MAP4K3: variants seen among roughly 807,000 people sequenced by gnomAD.
MAP4K3 encodes mitogen-activated protein kinase kinase kinase kinase 3.
A neutral mutation model predicts 143.5 loss-of-function variants in MAP4K3; 94 were observed. That is an observed-to-expected ratio of 0.65 (90% CI 0.55 to 0.78). The LOEUF (loss-of-function observed/expected upper bound fraction) is 0.78. Ranked by LOEUF, MAP4K3 falls within the 30% of genes least tolerant of loss-of-function variation. The pLI is 0.00. For synonymous variants in MAP4K3, 416 were observed against 347.2 expected (o/e 1.20, Z -2.20); for missense variants, 1,077 against 1,068.1 (o/e 1.01, Z -0.12).
At chr2:39,366,090 G>A (rs894909050) in intron 2 of MAP4K3, among the ~76,000 whole-genome samples, 1 of 152,146 alleles carries the variant, frequency 6.6e-6, no homozygotes, top group African/African-American at 2.4e-5. Flanking sequence ...TTTATTCTGA[G>A]CCAAATATGA....
chr2:39,251,765 C>T (rs1159018782), intron 33 of MAP4K3, 65 bp downstream of exon 33: 2 of 1,285,672 alleles, frequency 1.6e-6, no homozygotes, highest in African/African-American at 3.0e-5. Context: ...AAAAAGAAAT[C>T]TGTTTCATGC....
rs756462452 is a variant in MAP4K3, at chr2:39,260,583, ATAAT to A, written c.2308+19_2308+22del. 1 of 1,607,642 alleles carries A rather than the reference ATAAT, an allele frequency of 6.2e-7. No homozygotes were observed. Among genetic ancestry groups the A allele is most frequent in the East Asian group, 2.2e-5 (1 of 44,824 alleles). On this transcript the variant is annotated intron_variant, in intron 29 of 33. Coordinates refer to ENST00000263881, the MANE Select transcript of MAP4K3 (RefSeq NM_003618.4). ...AAAACCAGTATATGTATTACCCTTA[ATAAT>A]TCCATAAAAATTACAAACCTGATTC...
In MAP4K3 at chr2:39,344,039, T is replaced by TC. The variant is rs1373207446; in HGVS notation, c.246-588dup. 3.3e-5 allele frequency among the ~76,000 whole-genome samples: 5 copies of TC among 152,282 alleles called. No homozygotes were observed. The East Asian group carries it at 5.8e-4, about 18-fold the overall frequency. ...TTGTTCAGTCATTCATTATTTAATC[T>TC]CTTAAAAATGTACCAGGAAATGTAC... On this transcript the variant is annotated intron_variant, in intron 3 of 33. Coordinates refer to ENST00000263881, the MANE Select transcript of MAP4K3 (RefSeq NM_003618.4).
At chr2:39,341,362 G>A (rs1665134026) in intron 4 of MAP4K3, among the ~76,000 whole-genome samples, 1 of 152,070 alleles carries the variant, frequency 6.6e-6, no homozygotes, top group African/African-American at 2.4e-5. Context: ...AAATATCACT[G>A]AAAAAACTTC....
intron 1 of MAP4K3, 113 bp from the exon 2 acceptor site, chr2:39,378,236 C>T (rs1000462591): frequency 5.0e-6 from 3 of 598,444 alleles, no homozygotes; most frequent in Non-Finnish European, 8.8e-6. Context: ...AAAAGAAATG[C>T]AAATGTAATT....
Position 39,333,554 on chromosome 2 carries a change from C to G in MAP4K3, c.435G>C (p.Thr145=). The change falls in exon 7 of 34, where the codon ACG becomes ACC. Residue 145 remains threonine, a synonymous_variant. Coordinates refer to ENST00000263881, the MANE Select transcript of MAP4K3 (RefSeq NM_003618.4). ...RDIKGANILL[T]DNGHVKLADF... is the part of the protein sequence containing the mutation. ...TACCCAATTTCACATGACCATTATC[C>G]GTTAATAGAATGTTAGCTCCCTTCA... is the stretch of plus-strand genomic sequence containing the variant. 6.2e-7 allele frequency: 1 copy of G among 1,605,462 alleles called. No individual in the cohort carries two copies. The highest frequency in any genetic ancestry group is 8.5e-7 in the Non-Finnish European group (1 of 1,173,298).
chr2:39,303,298 C>T (rs981109670), intron 15 of MAP4K3, among the ~76,000 whole-genome samples: 2 of 151,972 alleles, frequency 1.3e-5, no homozygotes, highest in African/African-American at 2.4e-5. Flanking sequence ...CAGGATAATT[C>T]AAATATTTTT....
chr2:39,367,461 G>C (rs908462578), intron 2 of MAP4K3, among the ~76,000 whole-genome samples: 1 of 152,066 alleles, frequency 6.6e-6, no homozygotes, highest in African/African-American at 2.4e-5. Flanking sequence ...GACTGACTGA[G>C]CCTGGGTGGT....
intron 14 of MAP4K3, among the ~76,000 whole-genome samples, chr2:39,308,646 A>T (rs923258830): frequency 6.6e-6 from 1 of 152,124 alleles, no homozygotes; most frequent in Non-Finnish European, 1.5e-5. Flanking sequence ...CCAATGTCTC[A>T]TTTTTTTATT....
rs1683773450 is a variant in MAP4K3, at chr2:39,333,961, T to TG, written c.415-388_415-387insC. 1.5e-3 allele frequency among the ~76,000 whole-genome samples: 217 copies of TG among 144,140 alleles called. 4 individuals are homozygous for TG. The highest frequency in any genetic ancestry group is 9.4e-3 in the Admixed American group (134 of 14,266). 94.6% of individuals were successfully genotyped at this position (144,140 alleles called of 152,430 possible). On this transcript the variant is annotated intron_variant, in intron 6 of 33. Transcript: ENST00000263881. ...TAAACTTGATTATTGTTTCCCATTT[T>TG]TGTGTGTGTGTGTGTGTGTGTGTGT...
At chr2:39,290,084 C>CAAAAAAAAAAAAATAAAAAAAA (rs1681971600) in intron 19 of MAP4K3, among the ~76,000 whole-genome samples, 1 of 111,976 alleles carries the variant, frequency 8.9e-6, no homozygotes, top group Non-Finnish European at 1.8e-5. Flanking sequence ...GAGACTGTCT[C>CAAAAAAAAAAAAATAAAAAAAA]AAAAAAAAAA....
At chr2:39,411,412 G>A (rs1414763158) in intron 1 of MAP4K3, among the ~76,000 whole-genome samples, 1 of 152,186 alleles carries the variant, frequency 6.6e-6, no homozygotes. Flanking sequence ...ATGTGAGCAT[G>A]AGGAAAGAAT....
At chr2:39,403,127 T>C (rs1401253080) in intron 1 of MAP4K3, among the ~76,000 whole-genome samples, 1 of 151,970 alleles carries the variant, frequency 6.6e-6, no homozygotes, top group Admixed American at 6.5e-5. Flanking sequence ...AGGAAGAAAA[T>C]ATTTTACAGA....
At chr2:39,374,468 G>A (rs1666166546) in intron 2 of MAP4K3, among the ~76,000 whole-genome samples, 2 of 151,936 alleles carry the variant, frequency 1.3e-5, no homozygotes, top group South Asian at 4.2e-4. Flanking sequence ...GATCACCTGA[G>A]GTCAGGAATT....
intron 1 of MAP4K3, among the ~76,000 whole-genome samples, chr2:39,408,132 A>G (rs1164199344): frequency 1.3e-5 from 2 of 152,182 alleles, no homozygotes; most frequent in Non-Finnish European, 2.9e-5. Context: ...AAAAACAAAA[A>G]GCAAAAAATA....
Position 39,294,940 on chromosome 2 carries a change from C to T in MAP4K3, c.1179-1672G>A, listed in dbSNP as rs34417488. On this transcript the variant is annotated intron_variant, in intron 16 of 33. Coordinates refer to ENST00000263881, the MANE Select transcript of MAP4K3 (RefSeq NM_003618.4). ...TCTCATGAGTATACACTGGAGTTTT[C>T]CAGAGACTACAAGATGTGTGATACC... 1.8e-3 allele frequency among the ~76,000 whole-genome samples: 277 copies of T among 151,790 alleles called. 1 individual carries two copies. Among genetic ancestry groups the T allele is most frequent in the Non-Finnish European group, 3.4e-3 (234 of 67,976 alleles).
At chr2:39,415,980 A>AAATATATATATAT (rs1553318573) in intron 1 of MAP4K3, among the ~76,000 whole-genome samples, 8 of 14,756 alleles carry the variant, frequency 5.4e-4, no homozygotes, top group Non-Finnish European at 7.3e-4. Flanking sequence ...AAAAAAAAAA[A>AAATATATATATAT]ATATATATAT....
rs774273601 is a variant in MAP4K3 at position 39,278,486 on chromosome 2, T to A, written c.1715A>T (p.Asp572Val). 1 of 1,559,490 alleles carries A rather than the reference T, an allele frequency of 6.4e-7. No individual in the cohort carries two copies. Among genetic ancestry groups the A allele is most frequent in the Non-Finnish European group, 8.7e-7 (1 of 1,146,146 alleles). Reference sequence around the variant, plus strand: ...TTCGGCACCAAATATCAAGTACTGATCTGAAATAAAAGTAATTCACTGACT... The same window carrying A: ...TTCGGCACCAAATATCAAGTACTGAACTGAAATAAAAGTAATTCACTGACT... ...ASSWINPDTR[D>V]QYLIFGAEEG... is the part of the protein sequence containing the mutation. Residue 572 changes from aspartate (D) to valine (V), a missense_variant and splice_region_variant, in exon 24 of 34, where the codon GAT becomes GTT. Around this residue, in one of 2 missense-constraint regions of MAP4K3, gnomAD observed 864 missense variants for 801.2 expected, o/e 1.08. Transcript: ENST00000263881.
At chr2:39,378,784 C>T (rs1666287165) in intron 1 of MAP4K3, among the ~76,000 whole-genome samples, 1 of 151,816 alleles carries the variant, frequency 6.6e-6, no homozygotes, top group Non-Finnish European at 1.5e-5. Flanking sequence ...TATTAAAAAT[C>T]ACTTTAAAAA....
Sources: gnomAD v4.1 joint callset for allele counts (sites outside exome capture counted in the v4.1 genomes callset) on GRCh38, gnomAD v4.1.1 for gene constraint, gnomAD v4.1.1 regional missense constraint, MANE v1.5 for transcripts, NCBI Gene and HGNC (gene_info 2026-07-23, HGNC 2026-07-21) for gene names.